Variants in TBC1D20 observed in about 807,000 individuals in gnomAD.
TBC1D20 encodes TBC1 domain family member 20, also known as chromosome 20 open reading frame 140.
A neutral mutation model predicts 41.6 loss-of-function variants in TBC1D20; 12 were observed. That is an observed-to-expected ratio of 0.29 (90% CI 0.18 to 0.47). The LOEUF (loss-of-function observed/expected upper bound fraction) is 0.47, where lower values mean the gene tolerates loss of function less well. Among genes scored for constraint, TBC1D20 ranks in the 20% least tolerant of loss-of-function variants. The pLI, the probability that TBC1D20 is intolerant of heterozygous loss-of-function variation, is 1.00. For synonymous variants in TBC1D20, 205 were observed against 204.8 expected (o/e 1.00, Z -0.01); for missense variants, 421 against 517.4 (o/e 0.81, Z 1.81).
At chr20:451,172 G>A (rs903453278) in intron 1 of TBC1D20, among the ~76,000 whole-genome samples, 1 of 152,194 alleles carries the variant, frequency 6.6e-6, no homozygotes, top group Admixed American at 6.6e-5. Context: ...ACCTTAAAAA[G>A]GAAGAGGAGC....
chr20:440,555 C>CT lies in TBC1D20; in HGVS notation c.627-167dup, dbSNP rs1456403221. Reference sequence around the variant, plus strand: ...CCTTACAAAATATTTAATACAAAGTCTTTAAGGTGTACCACAACACTAACA... The same window carrying CT: ...CCTTACAAAATATTTAATACAAAGTCTTTTAAGGTGTACCACAACACTAACA... On this transcript the variant is annotated intron_variant, in intron 5 of 7. Transcript: ENST00000354200. 59 of 883,552 alleles carry CT rather than the reference C, an allele frequency of 6.7e-5. No individual in the cohort carries two copies. The South Asian group carries it at 7.4e-4, about 11-fold the overall frequency. The allele number at this position is 883,552 out of a possible 1,614,324, so 54.7% of individuals were successfully genotyped here. A position where few individuals can be genotyped will look rare whatever the true frequency, so the allele number is the denominator to read the frequency against.
intron 2 of TBC1D20, among the ~76,000 whole-genome samples, chr20:446,920 C>A (rs924979387): frequency 6.6e-6 from 1 of 151,108 alleles, no homozygotes; most frequent in South Asian, 2.1e-4. Context: ...GTGTGAGTCA[C>A]CTCGCCCAGC....
intron 5 of TBC1D20, 150 bp from the exon 6 acceptor site, chr20:440,539 A>G (rs1209459911): frequency 1.0e-6 from 1 of 984,438 alleles, no homozygotes; most frequent in South Asian, 1.7e-5. Flanking sequence ...TCCTTACAAA[A>G]TATTTAATAC....
At position 442,045 on chromosome 20, in the gene TBC1D20, TG is replaced by T; in HGVS notation, c.338-3del. On this transcript the variant is annotated splice_region_variant and splice_polypyrimidine_tract_variant and intron_variant, in intron 3 of 7. Transcript: ENST00000354200. Reference sequence around the variant, plus strand: ...CTTCTCTCTGTTCCTCTGGCATGCCTGGGGACAGGAACAGAGATGCCTTTGA... The same window carrying T: ...CTTCTCTCTGTTCCTCTGGCATGCCTGGGACAGGAACAGAGATGCCTTTGA... The T allele has an allele frequency of 6.2e-7, 1 of 1,608,198 alleles. No homozygotes were observed. The highest frequency in any genetic ancestry group is 8.5e-7 in the Non-Finnish European group (1 of 1,176,044).
intron 2 of TBC1D20, among the ~76,000 whole-genome samples, chr20:446,315 A>G (rs2017330153): frequency 6.6e-6 from 1 of 152,208 alleles, no homozygotes; most frequent in Non-Finnish European, 1.5e-5. Context: ...TAGAACTCCA[A>G]AGGATTTCAG....
chr20:447,182 G>C (rs1017899143), intron 2 of TBC1D20, among the ~76,000 whole-genome samples: 5 of 139,396 alleles, frequency 3.6e-5, no homozygotes, highest in African/African-American at 1.3e-4. Context: ...GGCTGGTCTT[G>C]AACTTCTGAC....
intron 1 of TBC1D20, among the ~76,000 whole-genome samples, chr20:459,354 T>C (rs2017592964): frequency 6.6e-6 from 1 of 152,250 alleles, no homozygotes; most frequent in Non-Finnish European, 1.5e-5. Flanking sequence ...ACATTTCATC[T>C]AGAGGTAGAA....
chr20:442,108 A>G (rs2017245861), intron 3 of TBC1D20, 65 bp from the exon 4 acceptor site: 39 of 1,384,830 alleles, frequency 2.8e-5, no homozygotes, highest in Non-Finnish European at 3.9e-6. Flanking sequence ...GAGGTCGAAG[A>G]AGGCCAGCAA....
At chr20:438,946 C>G (rs2017173319) in intron 7 of TBC1D20, 105 bp from the exon 8 acceptor site, 12 of 1,505,028 alleles carry the variant, frequency 8.0e-6, no homozygotes, top group Non-Finnish European at 1.1e-5. Context: ...GCTGGGAAAG[C>G]TCTTTATGAT....
At position 439,027 on chromosome 20, in the gene TBC1D20, T is replaced by C. The variant is rs1287330099; in HGVS notation, c.956+81A>G. On this transcript the variant is annotated intron_variant, in intron 7 of 7. Coordinates refer to ENST00000354200, the MANE Select transcript of TBC1D20 (RefSeq NM_144628.4). The surrounding 1 kb of genome is among the most constrained non-coding windows in gnomAD (Gnocchi z 4.6). ...GATCTCTGGAAACATGCCCCAACCC[T>C]ATCCCACCAGACACAAACCTTCCCT... 4.0e-5 allele frequency: 61 copies of C among 1,525,930 alleles called. No homozygotes were observed. The highest frequency in any genetic ancestry group is 5.4e-5 in the Non-Finnish European group (61 of 1,127,416). 94.5% of individuals were successfully genotyped at this position (1,525,930 alleles called of 1,614,324 possible).
chr20:452,376 C>T (rs1487039216), intron 1 of TBC1D20, among the ~76,000 whole-genome samples: 1 of 152,246 alleles, frequency 6.6e-6, no homozygotes, highest in Non-Finnish European at 1.5e-5. Context: ...CACCTGTAAT[C>T]CCAGTGCTGT....
chr20:441,530 G>C (rs1459640529), intron 5 of TBC1D20, 58 bp downstream of exon 5: 10 of 1,409,844 alleles, frequency 7.1e-6, no homozygotes, highest in Non-Finnish European at 1.0e-5. Context: ...AGTGTTTCAG[G>C]TGTGGGGGGG....
At chr20:450,160 T>C (rs1167546819) in intron 1 of TBC1D20, among the ~76,000 whole-genome samples, 1 of 151,930 alleles carries the variant, frequency 6.6e-6, no homozygotes, top group African/African-American at 2.4e-5. Context: ...GAGATTTTTT[T>C]TTTTTTTTGA....
chr20:449,494 C>G (rs1293924174), intron 1 of TBC1D20, among the ~76,000 whole-genome samples: 1 of 63,444 alleles, frequency 1.6e-5, no homozygotes, highest in East Asian at 5.1e-4. Flanking sequence ...ACTCGGGAGG[C>G]TGAGGCAGGA....
At chr20:444,304 A>C (rs1034314625) in intron 3 of TBC1D20, among the ~76,000 whole-genome samples, 4 of 152,214 alleles carry the variant, frequency 2.6e-5, no homozygotes, top group African/African-American at 9.6e-5. Flanking sequence ...GCAGGAAAGC[A>C]GCCCCTTCAA....
At chr20:460,434 CAAA>C (rs10580827) in intron 1 of TBC1D20, among the ~76,000 whole-genome samples, 62,820 of 128,570 alleles carry the variant, frequency 0.49, 13,937 homozygotes, top group East Asian at 0.74. Context: ...TCCCATCTCT[CAAA>C]AAAAAAAAAA....
intron 2 of TBC1D20, among the ~76,000 whole-genome samples, chr20:447,356 C>A (rs988946674): frequency 2.0e-5 from 3 of 151,890 alleles, no homozygotes; most frequent in African/African-American, 7.2e-5. Context: ...ATATTTTAAT[C>A]CCTAATAAAA....
intron 1 of TBC1D20, among the ~76,000 whole-genome samples, chr20:457,889 G>A (rs990075670): frequency 3.3e-5 from 5 of 152,160 alleles, no homozygotes; most frequent in East Asian, 3.8e-4. Context: ...AACATCGGTG[G>A]AGGCAAACCA....
rs778512413 is a variant in TBC1D20, at chr20:439,183, C to T, written c.881G>A (p.Arg294Lys). ...QDLPYETLIS[R>K]AGDLFVQFPP... ...AAACTGAACAAAAAGGTCTCCTGCT[C>T]TGCTGATCAGTGTCTCATAGGGCAA... Residue 294 changes from arginine (R) to lysine (K), a missense_variant, in exon 7 of 8, where the codon AGA becomes AAA. This residue lies in a region of TBC1D20 where 161 missense variants were observed against 182.7 expected (regional missense o/e 0.88). Coordinates refer to ENST00000354200, the MANE Select transcript of TBC1D20 (RefSeq NM_144628.4). This position sits in a 1 kb window ranked among gnomAD's most constrained non-coding sequence, Gnocchi z 4.6. 1 of 1,614,190 alleles carries T rather than the reference C, an allele frequency of 6.2e-7. No homozygotes were observed. The highest frequency in any genetic ancestry group is 8.5e-7 in the Non-Finnish European group (1 of 1,180,036).
Sources: allele counts gnomAD v4.1 joint callset (sites outside exome capture counted in the v4.1 genomes callset), GRCh38; gene constraint gnomAD v4.1.1; regional missense constraint gnomAD v4.1.1; non-coding constraint Gnocchi (gnomAD v3.1); transcripts MANE v1.5; gene names NCBI Gene and HGNC (gene_info 2026-07-23, HGNC 2026-07-21).